Variants in VTCN1 observed in about 807,000 individuals in gnomAD.
VTCN1 encodes V-set domain containing T cell activation inhibitor 1, also known as V-set domain-containing T-cell activation inhibitor 1.
VTCN1 carries 26 observed loss-of-function variants against 26.5 expected under a neutral mutation model. The ratio of observed to expected loss-of-function variants is 0.98; its 90% CI spans 0.72 to 1.36. VTCN1 has a LOEUF of 1.36. VTCN1 is among the 40% of genes most tolerant of loss of function. VTCN1 has a pLI of 0.00. For synonymous variants in VTCN1, 116 were observed against 130.7 expected (o/e 0.89, Z 0.77); for missense variants, 298 against 337.7 (o/e 0.88, Z 0.92).
intron 3 of VTCN1, among the ~76,000 whole-genome samples, chr1:117,154,547 G>GCTGAGGTGGGCAGATCAC (rs1457960233): frequency 6.6e-6 from 1 of 152,140 alleles, no homozygotes; most frequent in Non-Finnish European, 1.5e-5. Context: ...ACTTTGGGAG[G>GCTGAGGTGGGCAGATCAC]CTGAGGTGGG....
In VTCN1 at chr1:117,169,777, C is replaced by T. The variant is rs926484978; in HGVS notation, c.97+330G>A. 3.3e-5 allele frequency among the ~76,000 whole-genome samples: 5 copies of T among 152,084 alleles called. No homozygotes were observed. Among genetic ancestry groups the T allele is most frequent in the Admixed American group, 3.3e-4 (5 of 15,266 alleles). On this transcript the variant is annotated intron_variant, in intron 2 of 5. Coordinates refer to ENST00000369458, the MANE Select transcript of VTCN1 (RefSeq NM_024626.4). The surrounding 1 kb of genome is among the most constrained non-coding windows in gnomAD (Gnocchi z 4.0). Reference sequence around the variant, plus strand: ...GCATGGTGGTGCACATGCCTGTAGTCCTAGCTACTTGGGAGGCTGAGGTGA... The same window carrying T: ...GCATGGTGGTGCACATGCCTGTAGTTCTAGCTACTTGGGAGGCTGAGGTGA...
At chr1:117,149,219 T>C (rs1342459953) in intron 4 of VTCN1, among the ~76,000 whole-genome samples, 1 of 151,980 alleles carries the variant, frequency 6.6e-6, no homozygotes, top group African/African-American at 2.4e-5. Flanking sequence ...GGGTACACTA[T>C]GGGCATTTCA....
intron 2 of VTCN1, among the ~76,000 whole-genome samples, chr1:117,162,590 T>A (rs1023884995): frequency 2.6e-5 from 4 of 152,200 alleles, no homozygotes; most frequent in African/African-American, 9.7e-5. Context: ...GCACAGATTT[T>A]AAGCATTTCA....
chr1:117,158,024 T>C (rs1652175911), intron 2 of VTCN1, among the ~76,000 whole-genome samples: 1 of 152,208 alleles, frequency 6.6e-6, no homozygotes, highest in South Asian at 2.1e-4. Flanking sequence ...TGGGTTTCCA[T>C]GGTCTTGGGC....
intron 1 of VTCN1, among the ~76,000 whole-genome samples, chr1:117,208,896 C>A (rs1222730938): frequency 6.6e-6 from 1 of 152,206 alleles, no homozygotes; most frequent in Non-Finnish European, 1.5e-5. Flanking sequence ...AGCGTTCCAA[C>A]ATCACCACTG....
intron 1 of VTCN1, among the ~76,000 whole-genome samples, chr1:117,181,404 C>T (rs1040480502): frequency 1.3e-5 from 2 of 152,146 alleles, no homozygotes; most frequent in Non-Finnish European, 2.9e-5. Flanking sequence ...AATTTAAGAC[C>T]ACCTTTAAAT....
chr1:117,195,533 C>T (rs7552983), intron 1 of VTCN1, among the ~76,000 whole-genome samples: 2,158 of 151,876 alleles, frequency 0.014, 51 homozygotes, highest in African/African-American at 0.05. Context: ...GGCTAAGAAA[C>T]GAGAAAGAAA....
intron 1 of VTCN1, among the ~76,000 whole-genome samples, chr1:117,200,114 A>G (rs1023749824): frequency 1.1e-4 from 16 of 152,194 alleles, no homozygotes; most frequent in African/African-American, 3.9e-4. Context: ...TAAGGATAGA[A>G]CTATGGGCCA....
intron 2 of VTCN1, among the ~76,000 whole-genome samples, chr1:117,166,590 C>G (rs1455300227): frequency 6.8e-6 from 1 of 146,796 alleles, no homozygotes; most frequent in Non-Finnish European, 1.5e-5. Flanking sequence ...CCTGTCCCTA[C>G]TAAAAATACA....
chr1:117,193,610 A>C (rs1281004751), intron 1 of VTCN1, among the ~76,000 whole-genome samples: 2 of 152,176 alleles, frequency 1.3e-5, no homozygotes, highest in East Asian at 3.9e-4. Flanking sequence ...AGCAAATATT[A>C]ACAGAACTGA....
chr1:117,167,815 TA>T lies in VTCN1; in HGVS notation c.97+2291del, dbSNP rs1207170299. Among the ~76,000 whole-genome samples the T allele has an allele frequency of 2.0e-5, 3 of 152,172 alleles. No individual in the cohort carries two copies. The highest frequency in any genetic ancestry group is 3.4e-3 in the Middle Eastern group (1 of 294). On this transcript the variant is annotated intron_variant, in intron 2 of 5. Coordinates refer to ENST00000369458, the MANE Select transcript of VTCN1 (RefSeq NM_024626.4). This position sits in a 1 kb window ranked among gnomAD's most constrained non-coding sequence, Gnocchi z 4.1. The stretch of plus-strand genomic sequence containing the variant: ...GCAGGAAGAGGAATATTAATAAAGA[TA>T]AAAGCCAAAATTAGTAAAATAGGAA...
rs533828487 is a variant in VTCN1, at chr1:117,208,452, G to A, written c.32+2372C>T. On this transcript the variant is annotated intron_variant, in intron 1 of 5. Transcript: ENST00000369458. ...TTGTCTGAGGACTTAAGGGTGGCGCGTTAGAGTTGTTATGTGGGAGTCTTT... is the reference window on the plus strand; with the variant it reads ...TTGTCTGAGGACTTAAGGGTGGCGCATTAGAGTTGTTATGTGGGAGTCTTT... Among the ~76,000 whole-genome samples the A allele has an allele frequency of 2.4e-4, 36 of 152,130 alleles. 1 individual carries two copies. Among genetic ancestry groups the A allele is most frequent in the Admixed American group, 3.3e-4 (5 of 15,278 alleles).
chr1:117,176,972 A>C (rs1280235372), intron 1 of VTCN1, among the ~76,000 whole-genome samples: 1 of 152,092 alleles, frequency 6.6e-6, no homozygotes, highest in Admixed American at 6.5e-5. Flanking sequence ...GGTGGTGTGC[A>C]TGCGTAGTCC....
Position 117,175,963 on chromosome 1 carries a change from T to C in VTCN1, c.33-5792A>G, listed in dbSNP as rs899486206. Among the ~76,000 whole-genome samples, 1 of 151,988 alleles carries C rather than the reference T, an allele frequency of 6.6e-6. No individual in the cohort carries two copies. The highest frequency in any genetic ancestry group is 2.4e-5 in the African/African-American group (1 of 41,356). ...TTTTTTATTTTTAGTAGAGACAGGG[T>C]TTCACCATGTTGGCCAGGCTGGTCT... On this transcript the variant is annotated intron_variant, in intron 1 of 5. Coordinates refer to ENST00000369458, the MANE Select transcript of VTCN1 (RefSeq NM_024626.4). The surrounding 1 kb of genome is among the most constrained non-coding windows in gnomAD (Gnocchi z 4.2).
chr1:117,188,741 A>AT (rs1038028551), intron 1 of VTCN1, among the ~76,000 whole-genome samples: 2 of 152,038 alleles, frequency 1.3e-5, no homozygotes, highest in African/African-American at 4.8e-5. Context: ...ATGGCAGCCC[A>AT]TTTTTTCCCC....
chr1:117,191,531 C>T (rs1648244266), intron 1 of VTCN1, among the ~76,000 whole-genome samples: 1 of 152,024 alleles, frequency 6.6e-6, no homozygotes, highest in Admixed American at 6.6e-5. Context: ...TGCTGTAATC[C>T]CAGCACTTTG....
intron 2 of VTCN1, among the ~76,000 whole-genome samples, chr1:117,160,934 T>A (rs1652335267): frequency 6.6e-6 from 1 of 152,032 alleles, no homozygotes. Context: ...AGGCTACTGA[T>A]GGAAGAAAAA....
At chr1:117,210,212 T>TCAGCAGCAGCAGCAGCAGCAGCAG (rs71582595) in intron 1 of VTCN1, among the ~76,000 whole-genome samples, 6 of 150,122 alleles carry the variant, frequency 4.0e-5, no homozygotes, top group African/African-American at 1.2e-4. Context: ...TCTGGGGAGT[T>TCAGCAGCAGCAGCAGCAGCAGCAG]CAGCAGCAGC....
chr1:117,182,399 T>C (rs1557872167), intron 1 of VTCN1, among the ~76,000 whole-genome samples: 1 of 152,162 alleles, frequency 6.6e-6, no homozygotes, highest in Non-Finnish European at 1.5e-5. Context: ...CCCAGTTCTG[T>C]AGGTGTAGCT....
Sources: gnomAD v4.1 joint callset for allele counts (sites outside exome capture counted in the v4.1 genomes callset) on GRCh38, gnomAD v4.1.1 for gene constraint, Gnocchi (gnomAD v3.1) non-coding constraint, MANE v1.5 for transcripts, NCBI Gene and HGNC (gene_info 2026-07-23, HGNC 2026-07-21) for gene names.